Variants in DNAH5 observed in about 807,000 individuals in gnomAD.
DNAH5 encodes the protein dynein axonemal heavy chain 5.
A neutral mutation model predicts 518.2 loss-of-function variants in DNAH5; 372 were observed. That is an observed-to-expected ratio of 0.72 (90% CI 0.66 to 0.78). The LOEUF (loss-of-function observed/expected upper bound fraction) is 0.78, where lower values mean the gene tolerates loss of function less well. DNAH5 is among the 30% of genes least tolerant of loss of function. The pLI is 0.00. For synonymous variants in DNAH5, 2,039 were observed against 2,025.9 expected (o/e 1.01, Z -0.17); for missense variants, 5,523 against 5,687.0 (o/e 0.97, Z 0.93).
intron 1 of DNAH5, among the ~76,000 whole-genome samples, chr5:13,996,481 G>A (rs879917375): frequency 6.6e-6 from 1 of 152,180 alleles, no homozygotes; most frequent in Non-Finnish European, 1.5e-5. Flanking sequence ...TATGATTCAT[G>A]TGAACCTATG....
At chr5:14,005,985 T>A (rs1390475065) in intron 1 of DNAH5, among the ~76,000 whole-genome samples, 1 of 152,146 alleles carries the variant, frequency 6.6e-6, no homozygotes, top group Non-Finnish European at 1.5e-5. Flanking sequence ...ATTCCTCAAG[T>A]CCTGATTCCT....
intron 32 of DNAH5, among the ~76,000 whole-genome samples, chr5:13,842,277 G>A (rs1340697164): frequency 6.6e-6 from 1 of 151,922 alleles, no homozygotes; most frequent in Admixed American, 6.6e-5. Context: ...CTAATTGAGA[G>A]GCTGAGGCAC....
rs745864857 is a variant in DNAH5 at position 13,859,447 on chromosome 5, A to T, written c.4950+5T>A. On this transcript the variant is annotated splice_donor_5th_base_variant and intron_variant, in intron 30 of 78. Transcript: ENST00000265104. The stretch of plus-strand genomic sequence containing the variant: ...CTGATGAAATCATAAAGAAGATTAC[A>T]AAACCTTGGGCAGCTGCTTGGCAAT... 1 of 1,614,082 alleles carries T rather than the reference A, an allele frequency of 6.2e-7. No homozygotes were observed. Among genetic ancestry groups the T allele is most frequent in the Non-Finnish European group, 8.5e-7 (1 of 1,179,928 alleles).
chr5:13,972,664 T>C (rs1581079412), intron 1 of DNAH5, among the ~76,000 whole-genome samples: 1 of 152,176 alleles, frequency 6.6e-6, no homozygotes, highest in Non-Finnish European at 1.5e-5. Flanking sequence ...TCTCACACTT[T>C]GGGCACTCGG....
Position 13,864,718 on chromosome 5 carries a change from T to C in DNAH5, c.4356-81A>G, listed in dbSNP as rs1239441414. The C allele has an allele frequency of 1.7e-5, 25 of 1,470,026 alleles. No homozygotes were observed. The Admixed American group carries it at 3.7e-4, about 22-fold the overall frequency. 91.1% of individuals were successfully genotyped at this position (1,470,026 alleles called of 1,614,324 possible). On this transcript the variant is annotated intron_variant, in intron 27 of 78. Coordinates refer to ENST00000265104, the MANE Select transcript of DNAH5 (RefSeq NM_001369.3). Reference sequence around the variant, plus strand: ...GACCAAGACGGTCTGCTAGTATTTCTATTAAAAACAGTCTCTTTGAATACT... The same window carrying C: ...GACCAAGACGGTCTGCTAGTATTTCCATTAAAAACAGTCTCTTTGAATACT...
At chr5:13,710,642 G>T (rs2126469212) in intron 75 of DNAH5, among the ~76,000 whole-genome samples, 1 of 152,106 alleles carries the variant, frequency 6.6e-6, no homozygotes, top group South Asian at 2.1e-4. Context: ...GAAAAGAAGA[G>T]AGAAAATCCA....
In DNAH5 at chr5:13,820,431, C is replaced by A. The variant is rs772331974; in HGVS notation, c.6756G>T (p.Gln2252His). Residue 2252 changes from glutamine to histidine, a missense_variant, in exon 41 of 79, where the codon CAG becomes CAT. Transcript: ENST00000265104. ...GAGTCATCATCCCATGTCGCACTCT[C>A]TGCGTTTCGAATAGCTGGATGACCT... ...KLKVIQLFET[Q>H]RVRHGMMTLG... 6.2e-7 allele frequency: 1 copy of A among 1,614,086 alleles called. No individual in the cohort carries two copies. Among genetic ancestry groups the A allele is most frequent in the Non-Finnish European group, 8.5e-7 (1 of 1,180,034 alleles).
chr5:13,781,002 A>G, intron 52 of DNAH5, 43 bp from the exon 53 acceptor site: 1 of 1,603,904 alleles, frequency 6.2e-7, no homozygotes, highest in Non-Finnish European at 8.5e-7. Context: ...TCAACATGTA[A>G]ATGTTCTATT....
intron 1 of DNAH5, among the ~76,000 whole-genome samples, chr5:14,007,165 T>C (rs569089263): frequency 2.0e-5 from 3 of 152,362 alleles, no homozygotes; most frequent in South Asian, 2.1e-4. Flanking sequence ...TTGGGGAACA[T>C]TGCTAGAGTC....
At chr5:13,776,317 C>T (rs1290137242) in intron 55 of DNAH5, 122 bp downstream of exon 55, 7 of 1,329,264 alleles carry the variant, frequency 5.3e-6, no homozygotes, top group Admixed American at 1.7e-5. Flanking sequence ...ACCTCTGTGC[C>T]TTCCCATGAC....
chr5:13,919,679 G>A (rs1777048702), intron 6 of DNAH5, among the ~76,000 whole-genome samples: 1 of 152,094 alleles, frequency 6.6e-6, no homozygotes, highest in African/African-American at 2.4e-5. Context: ...TGGGGTACAT[G>A]TGAGTATTTG....
Position 13,754,348 on chromosome 5 carries a change from G to T in DNAH5, c.10420-10C>A, listed in dbSNP as rs1335309244. ...CATCTTCAAGCAAGGTCTAACAAAG[G>T]TCATAATCACAAGAAAGCTTTTACT... On this transcript the variant is annotated splice_polypyrimidine_tract_variant and intron_variant, in intron 61 of 78. Transcript: ENST00000265104. The T allele has an allele frequency of 6.2e-7, 1 of 1,613,848 alleles. No homozygotes were observed. Among genetic ancestry groups the T allele is most frequent in the Non-Finnish European group, 8.5e-7 (1 of 1,179,924 alleles).
rs1475127111 is a variant in DNAH5, at chr5:13,911,251, C to T, written c.1644+135G>A. The stretch of plus-strand genomic sequence containing the variant: ...ATTATTAATCTGAAATCACGAAACA[C>T]AGGCTGAGGTTGCTATCGGTCACCT... On this transcript the variant is annotated intron_variant, in intron 12 of 78. Coordinates refer to ENST00000265104, the MANE Select transcript of DNAH5 (RefSeq NM_001369.3). 4 of 712,248 alleles carry T rather than the reference C, an allele frequency of 5.6e-6. No individual in the cohort carries two copies. The East Asian group carries it at 1.1e-4, about 19-fold the overall frequency. The allele number at this position is 712,248 out of a possible 1,614,324, so 44.1% of individuals were successfully genotyped here.
At chr5:13,747,753 C>G (rs868307325) in intron 65 of DNAH5, among the ~76,000 whole-genome samples, 59 of 151,954 alleles carry the variant, frequency 3.9e-4, no homozygotes, top group African/African-American at 9.7e-4. Context: ...TTGTAAATTT[C>G]TTTGAGTTCT....
chr5:14,005,553 C>T (rs562315594), intron 1 of DNAH5, among the ~76,000 whole-genome samples: 3 of 152,318 alleles, frequency 2.0e-5, no homozygotes, highest in South Asian at 2.1e-4. Flanking sequence ...AGACTCTGGG[C>T]GTCCTAACTT....
At chr5:13,754,360 A>G (rs1750691803) in intron 61 of DNAH5, 22 bp from the exon 62 acceptor site, 2 of 1,614,014 alleles carry the variant, frequency 1.2e-6, no homozygotes, top group African/African-American at 1.3e-5. Flanking sequence ...CATAATCACA[A>G]GAAAGCTTTT....
intron 46 of DNAH5, 68 bp from the exon 47 acceptor site, chr5:13,807,793 C>A (rs1759871097): frequency 1.5e-6 from 2 of 1,375,390 alleles, no homozygotes; most frequent in African/African-American, 1.4e-5. Flanking sequence ...ATTTGTCCCC[C>A]CAAAATTCAT....
chr5:13,761,460 G>A (rs1226364215), intron 60 of DNAH5, among the ~76,000 whole-genome samples: 1 of 152,084 alleles, frequency 6.6e-6, no homozygotes, highest in East Asian at 1.9e-4. Context: ...AGGCATGGTG[G>A]TGGGCGCCTG....
At chr5:13,851,105 G>C (rs1404344685) in intron 30 of DNAH5, among the ~76,000 whole-genome samples, 1 of 152,094 alleles carries the variant, frequency 6.6e-6, no homozygotes, top group South Asian at 2.1e-4. Flanking sequence ...AATATGAAAA[G>C]AAAGTACACA....
Sources: gnomAD v4.1 joint callset for allele counts (sites outside exome capture counted in the v4.1 genomes callset) on GRCh38, gnomAD v4.1.1 for gene constraint, MANE v1.5 for transcripts, NCBI Gene and HGNC (gene_info 2026-07-23, HGNC 2026-07-21) for gene names.